The following MGMT variants were observed in gnomAD, a reference collection of about 807,000 sequenced individuals.
MGMT encodes the protein methylated-DNA--protein-cysteine methyltransferase.
A neutral mutation model predicts 15.9 loss-of-function variants in MGMT; 14 were observed. That is an observed-to-expected ratio of 0.88 (90% CI 0.58 to 1.37). The LOEUF is 1.37. Ranked by LOEUF, MGMT falls within the 40% of genes most tolerant of loss-of-function variation. The pLI, the probability that MGMT is intolerant of heterozygous loss-of-function variation, is 0.00. For synonymous variants in MGMT, 130 were observed against 118.2 expected, an observed-to-expected ratio of 1.10 and a Z score of -0.65; for missense variants, 282 against 268.1, an observed-to-expected ratio of 1.05 and a Z score of -0.36.
At chr10:129,725,117 TTC>T (rs67051823) in intron 3 of MGMT, among the ~76,000 whole-genome samples, 33,926 of 152,198 alleles carry the variant, frequency 0.22, 4,567 homozygotes, top group East Asian at 0.43. Context: ...CTTACTCTTC[TTC>T]TCTCCAGCCA....
At position 129,511,036 on chromosome 10, in the gene MGMT, G is replaced by A. The variant is rs144201101; in HGVS notation, c.-12-25205G>A. The stretch of plus-strand genomic sequence containing the variant: ...CACGTGCTTCCTGTAATGGGAACCC[G>A]TATACCAGATGCAGCCTGGTGCTTC... On this transcript the variant is annotated intron_variant, in intron 1 of 4. Transcript: ENST00000651593. Among the ~76,000 whole-genome samples the A allele has an allele frequency of 1.2e-3, 174 of 147,632 alleles. 1 individual carries two copies. The highest frequency in any genetic ancestry group is 4.0e-3 in the African/African-American group (157 of 39,628).
At chr10:129,652,030 C>T (rs1002167597) in intron 2 of MGMT, among the ~76,000 whole-genome samples, 1 of 152,084 alleles carries the variant, frequency 6.6e-6, no homozygotes, top group African/African-American at 2.4e-5. Context: ...CACTGAGTGC[C>T]CGAGAGGAAA....
chr10:129,766,971 G>T lies in MGMT; in HGVS notation c.598G>T (p.Gly200Cys), dbSNP rs751884076. 3 of 1,607,016 alleles carry T rather than the reference G, an allele frequency of 1.9e-6. No individual in the cohort carries two copies. In the Admixed American group the frequency reaches 5.1e-5, roughly 27 times the overall value. ...GCTCAAGGGAGCGGGAGCTACCTCGGGCTCCCCGCCTGCTGGCCGAAACTG... is the reference window on the plus strand; with the variant it reads ...GCTCAAGGGAGCGGGAGCTACCTCGTGCTCCCCGCCTGCTGGCCGAAACTG... ...AWLKGAGATS[G>C]SPPAGRN Residue 200 changes from glycine (G) to cysteine (C), a missense_variant, in exon 5 of 5, where the codon GGC (glycine) becomes TGC (cysteine). Physicochemically the swap from Gly to Cys is radical, Grantham distance 159 (BLOSUM62 -3). Coordinates refer to ENST00000651593, the MANE Select transcript of MGMT (RefSeq NM_002412.5).
intron 2 of MGMT, among the ~76,000 whole-genome samples, chr10:129,693,118 CTGTCTGATGGT>C (rs1847988163): frequency 6.6e-6 from 1 of 152,184 alleles, no homozygotes; most frequent in Admixed American, 6.5e-5. Flanking sequence ...GTACCTGTAC[CTGTCTGATGGT>C]CGTGTAAGTC....
intron 1 of MGMT, among the ~76,000 whole-genome samples, chr10:129,490,329 T>A (rs996254268): frequency 2.0e-5 from 3 of 152,106 alleles, no homozygotes; most frequent in Non-Finnish European, 4.4e-5. Flanking sequence ...GGATCATGAC[T>A]TCTAGGGAAT....
chr10:129,760,681 C>T (rs1040331379), intron 4 of MGMT, among the ~76,000 whole-genome samples: 2 of 152,154 alleles, frequency 1.3e-5, no homozygotes, highest in African/African-American at 2.4e-5. Context: ...ATTGTTAGTC[C>T]TTAAAAAGCA....
chr10:129,649,664 T>A (rs1847434897), intron 2 of MGMT, among the ~76,000 whole-genome samples: 2 of 152,190 alleles, frequency 1.3e-5, no homozygotes. Context: ...TCAGAGACCA[T>A]GGACTACAGG....
intron 1 of MGMT, among the ~76,000 whole-genome samples, chr10:129,494,867 G>C (rs1340356953): frequency 1.3e-5 from 2 of 152,096 alleles, no homozygotes; most frequent in Non-Finnish European, 2.9e-5. Flanking sequence ...TGAGTACCAG[G>C]AACTCCTTTT....
rs541446678 is a variant in MGMT, at chr10:129,657,247, T to C, written c.126-50648T>C. On this transcript the variant is annotated intron_variant, in intron 2 of 4. Transcript: ENST00000651593. Reference sequence around the variant, plus strand: ...TTTTAAGTGCTTCGAATCGGGATTTTCCTACCCATCTGATGCATTCCATTG... The same window carrying C: ...TTTTAAGTGCTTCGAATCGGGATTTCCCTACCCATCTGATGCATTCCATTG... Among the ~76,000 whole-genome samples the C allele has an allele frequency of 4.6e-5, 7 of 152,298 alleles. No individual in the cohort carries two copies. In the East Asian group the frequency reaches 1.4e-3, roughly 30 times the overall value.
chr10:129,702,057 G>A (rs1029859271), intron 2 of MGMT: 1 of 152,144 alleles, frequency 6.6e-6, no homozygotes, highest in South Asian at 2.1e-4. Flanking sequence ...TTCATCACTG[G>A]GACATTGTTT....
intron 2 of MGMT, among the ~76,000 whole-genome samples, chr10:129,587,785 TA>T (rs1846634797): frequency 1.3e-5 from 2 of 152,154 alleles, no homozygotes; most frequent in Admixed American, 6.5e-5. Context: ...TTATAACGAC[TA>T]TGTTAATATC....
At chr10:129,706,708 C>G (rs539361828) in intron 2 of MGMT, among the ~76,000 whole-genome samples, 1 of 152,180 alleles carries the variant, frequency 6.6e-6, no homozygotes, top group Non-Finnish European at 1.5e-5. Flanking sequence ...CACTTGAAAT[C>G]ACAACGGGAT....
chr10:129,535,567 T>G (rs1421657559), intron 1 of MGMT, among the ~76,000 whole-genome samples: 4 of 152,202 alleles, frequency 2.6e-5, no homozygotes, highest in Admixed American at 2.6e-4. Flanking sequence ...TTGCCCAGTC[T>G]GGTTTCAACT....
At chr10:129,525,759 C>G (rs777740222) in intron 1 of MGMT, among the ~76,000 whole-genome samples, 20 of 152,174 alleles carry the variant, frequency 1.3e-4, no homozygotes, top group African/African-American at 4.6e-4. Context: ...AACCTTCTTT[C>G]AATTTGCAGG....
Position 129,768,809 on chromosome 10 carries a change from C to G in MGMT, c.*1812C>G, listed in dbSNP as rs1456241440. On this transcript the variant is annotated 3_prime_UTR_variant, in exon 5 of 5. Coordinates refer to ENST00000651593, the MANE Select transcript of MGMT (RefSeq NM_002412.5). The stretch of plus-strand genomic sequence containing the variant: ...GAAGGAGGGTGGCTGGGCGGCACCC[C>G]GATGGCTCCCTGTGCTCCCTGAGAC... 2 of 152,448 alleles carry G rather than the reference C, an allele frequency of 1.3e-5. No individual in the cohort carries two copies. Among genetic ancestry groups the G allele is most frequent in the Non-Finnish European group, 2.9e-5 (2 of 68,220 alleles). The allele number at this position is 152,448 out of a possible 1,614,324, so 9.4% of individuals were successfully genotyped here. A position where few individuals can be genotyped will look rare whatever the true frequency, so the allele number is the denominator to read the frequency against.
chr10:129,674,702 G>A (rs1847764585), intron 2 of MGMT, among the ~76,000 whole-genome samples: 1 of 152,256 alleles, frequency 6.6e-6, no homozygotes, highest in Non-Finnish European at 1.5e-5. Context: ...CAGCCTGGGG[G>A]AGGTGGAGTA....
intron 2 of MGMT, among the ~76,000 whole-genome samples, chr10:129,633,121 A>G (rs1031813958): frequency 2.0e-5 from 3 of 152,218 alleles, no homozygotes; most frequent in Non-Finnish European, 2.9e-5. Context: ...TTGTGACCAT[A>G]TACATACAGA....
intron 2 of MGMT, among the ~76,000 whole-genome samples, chr10:129,682,061 A>G (rs1330648903): frequency 6.6e-6 from 1 of 152,202 alleles, no homozygotes; most frequent in Admixed American, 6.5e-5. Flanking sequence ...ACACACTCCT[A>G]CAGCCACTCG....
chr10:129,719,066 G>T (rs1010872431), intron 3 of MGMT, among the ~76,000 whole-genome samples: 2 of 151,920 alleles, frequency 1.3e-5, no homozygotes, highest in Admixed American at 1.3e-4. Flanking sequence ...ACCGTCCCAG[G>T]CTGTCCAGAG....
Sources: gnomAD v4.1 joint callset for allele counts (sites outside exome capture counted in the v4.1 genomes callset) on GRCh38, gnomAD v4.1.1 for gene constraint, MANE v1.5 for transcripts, NCBI Gene and HGNC (gene_info 2026-07-23, HGNC 2026-07-21) for gene names.